The following PLEK variants were observed in gnomAD, a reference collection of about 807,000 sequenced individuals.
The protein encoded by PLEK is pleckstrin.
Under a neutral mutation model 43.9 loss-of-function variants are expected in PLEK, and 25 were observed. The observed-to-expected ratio is 0.57, with a 90% CI of 0.41 to 0.79. PLEK has a LOEUF of 0.79. Ranked by LOEUF, PLEK falls within the 30% of genes least tolerant of loss-of-function variation. The pLI, the probability that PLEK is intolerant of heterozygous loss-of-function variation, is 0.00. For synonymous variants in PLEK, 152 were observed against 144.4 expected (o/e 1.05, Z -0.38); for missense variants, 396 against 413.3 (o/e 0.96, Z 0.36).
intron 4 of PLEK, among the ~76,000 whole-genome samples, chr2:68,385,450 A>C (rs1673720481): frequency 6.6e-6 from 1 of 152,210 alleles, no homozygotes; most frequent in Non-Finnish European, 1.5e-5. Flanking sequence ...TCAAATTTTA[A>C]TTTAGGACAT....
intron 4 of PLEK, among the ~76,000 whole-genome samples, 162 bp from the exon 5 acceptor site, chr2:68,386,340 A>G (rs1673740693): frequency 6.6e-6 from 1 of 152,120 alleles, no homozygotes; most frequent in Admixed American, 6.5e-5. Flanking sequence ...GTTTGTTTCT[A>G]GTGGGTATCT....
chr2:68,375,599 C>G (rs1337299544), intron 1 of PLEK, among the ~76,000 whole-genome samples: 1 of 152,182 alleles, frequency 6.6e-6, no homozygotes, highest in Non-Finnish European at 1.5e-5. Flanking sequence ...ATTTTAGTAA[C>G]TAGAACAAAG....
At chr2:68,384,011 G>C (rs1445364500) in intron 4 of PLEK, among the ~76,000 whole-genome samples, 1 of 152,130 alleles carries the variant, frequency 6.6e-6, no homozygotes, top group Non-Finnish European at 1.5e-5. Context: ...AACTCTATCA[G>C]GACCGAGGTC....
At chr2:68,375,357 T>A (rs1481112820) in intron 1 of PLEK, among the ~76,000 whole-genome samples, 1 of 152,242 alleles carries the variant, frequency 6.6e-6, no homozygotes, top group Non-Finnish European at 1.5e-5. Flanking sequence ...CGATACTTTT[T>A]GCTCATTTAA....
chr2:68,386,383 T>C (rs1408917342), intron 4 of PLEK, 119 bp from the exon 5 acceptor site: 6 of 650,934 alleles, frequency 9.2e-6, no homozygotes, highest in Non-Finnish European at 5.3e-6. Flanking sequence ...TTTCTTGAAA[T>C]AACAGGGGAG....
rs140654249 is a variant in PLEK, at chr2:68,393,104, G to T, written c.763-58G>T. The T allele has an allele frequency of 3.6e-4, 354 of 994,394 alleles. 1 individual carries two copies. In the African/African-American group the frequency reaches 5.1e-3, roughly 14 times the overall value. The allele number at this position is 994,394 out of a possible 1,614,324, so 61.6% of individuals were successfully genotyped here. On this transcript the variant is annotated intron_variant, in intron 6 of 8. Transcript: ENST00000234313. The stretch of plus-strand genomic sequence containing the variant: ...AATAATTATTCTGTAGGTATTGTTT[G>T]TACAGAGTGATGCTGGGAATTCACC...
chr2:68,383,448 A>G (rs995601424), intron 4 of PLEK, among the ~76,000 whole-genome samples: 1 of 152,096 alleles, frequency 6.6e-6, no homozygotes. Context: ...AAATATTTAC[A>G]GGAGGATTTT....
intron 3 of PLEK, 97 bp from the exon 4 acceptor site, chr2:68,382,445 C>G (rs1573076108): frequency 1.4e-6 from 1 of 706,554 alleles, no homozygotes; most frequent in East Asian, 2.6e-5. Context: ...CTTGTGCTCA[C>G]CTCCCAGAGA....
chr2:68,371,696 A>G (rs1673407947), intron 1 of PLEK, among the ~76,000 whole-genome samples: 1 of 152,184 alleles, frequency 6.6e-6, no homozygotes, highest in Non-Finnish European at 1.5e-5. Flanking sequence ...CCAGCTCCAG[A>G]GCCCATGGTC....
At chr2:68,375,898 G>T (rs1388535718) in intron 1 of PLEK, among the ~76,000 whole-genome samples, 1 of 152,196 alleles carries the variant, frequency 6.6e-6, no homozygotes, top group Non-Finnish European at 1.5e-5. Flanking sequence ...CAGCTGGCAT[G>T]AACCCAAACT....
At chr2:68,388,811 T>G (rs1573080088) in intron 6 of PLEK, among the ~76,000 whole-genome samples, 1 of 152,012 alleles carries the variant, frequency 6.6e-6, no homozygotes, top group Non-Finnish European at 1.5e-5. Context: ...AAGACAAAGC[T>G]GTCTCATGGT....
At chr2:68,393,334 G>A (rs1673897524) in intron 7 of PLEK, 89 bp downstream of exon 7, 12 of 860,402 alleles carry the variant, frequency 1.4e-5, no homozygotes, top group Non-Finnish European at 2.2e-5. Flanking sequence ...CTACTCTGTT[G>A]ATATCCCCTT....
At chr2:68,368,057 G>C (rs1427079270) in intron 1 of PLEK, among the ~76,000 whole-genome samples, 1 of 152,214 alleles carries the variant, frequency 6.6e-6, no homozygotes, top group East Asian at 1.9e-4. Context: ...AGTGTTAACT[G>C]TAAAACGTTT....
intron 1 of PLEK, among the ~76,000 whole-genome samples, chr2:68,373,413 A>G (rs904175540): frequency 6.6e-6 from 1 of 152,094 alleles, no homozygotes; most frequent in South Asian, 2.1e-4. Flanking sequence ...GCACAACGTG[A>G]AGGTTAGTTA....
chr2:68,387,196 G>A (rs1265515346), intron 5 of PLEK, among the ~76,000 whole-genome samples: 1 of 152,120 alleles, frequency 6.6e-6, no homozygotes, highest in South Asian at 2.1e-4. Flanking sequence ...AGTAAAGACA[G>A]CGTTTCACCA....
intron 1 of PLEK, among the ~76,000 whole-genome samples, chr2:68,379,953 A>G (rs1301766295): frequency 1.3e-5 from 2 of 152,222 alleles, no homozygotes; most frequent in Non-Finnish European, 2.9e-5. Flanking sequence ...GTATGGCACA[A>G]TCAGTGAGAA....
intron 3 of PLEK, 57 bp from the exon 4 acceptor site, chr2:68,382,485 C>T: frequency 5.0e-6 from 5 of 997,938 alleles, no homozygotes; most frequent in Non-Finnish European, 1.6e-6. Context: ...GTTCCCCACT[C>T]ATCCAACTGG....
chr2:68,388,510 T>C lies in PLEK; in HGVS notation c.762+19T>C, dbSNP rs888522717. On this transcript the variant is annotated intron_variant, in intron 6 of 8. Coordinates refer to ENST00000234313, the MANE Select transcript of PLEK (RefSeq NM_002664.3). ...GAAGCAGGTGAGTGGCCACAACTGC[T>C]CCCATCTAGCCTTTTCCCTTTACAA... 2.0e-5 allele frequency: 25 copies of C among 1,276,902 alleles called. No individual in the cohort carries two copies. Among genetic ancestry groups the C allele is most frequent in the Non-Finnish European group, 2.4e-5 (21 of 872,698 alleles). The allele number at this position is 1,276,902 out of a possible 1,614,324, so 79.1% of individuals were successfully genotyped here.
chr2:68,385,280 T>A (rs1290033623), intron 4 of PLEK, among the ~76,000 whole-genome samples: 1 of 152,196 alleles, frequency 6.6e-6, no homozygotes. Context: ...ATGCTGTTTT[T>A]AATACAAAGC....
Sources: allele counts gnomAD v4.1 joint callset (sites outside exome capture counted in the v4.1 genomes callset), GRCh38; gene constraint gnomAD v4.1.1; transcripts MANE v1.5; gene names NCBI Gene and HGNC (gene_info 2026-07-23, HGNC 2026-07-21).